The following SPRED2 variants were observed in gnomAD, a reference collection of about 807,000 sequenced individuals.
SPRED2 encodes sprouty-related, EVH1 domain-containing protein 2.
SPRED2 carries 47 observed loss-of-function variants against 43.0 expected under a neutral mutation model. The observed-to-expected ratio is 1.09, with a 90% confidence interval of 0.87 to 1.40. SPRED2 has a LOEUF of 1.40. Ranked by LOEUF, SPRED2 falls within the 40% of genes most tolerant of loss-of-function variation. The pLI is 0.00. For synonymous variants in SPRED2, 225 were observed against 225.7 expected (o/e 1.00, Z 0.03); for missense variants, 561 against 586.4 (o/e 0.96, Z 0.45).
chr2:65,428,099 T>A (rs1026795713), intron 1 of SPRED2, among the ~76,000 whole-genome samples: 5 of 152,248 alleles, frequency 3.3e-5, no homozygotes, highest in African/African-American at 4.8e-5. Flanking sequence ...TAATACCTTC[T>A]TCACAGGGTT....
At chr2:65,325,953 A>G (rs1256717213) in intron 4 of SPRED2, among the ~76,000 whole-genome samples, 1 of 151,874 alleles carries the variant, frequency 6.6e-6, no homozygotes, top group Non-Finnish European at 1.5e-5. Context: ...ACTGCACTCC[A>G]GCCTAGGTGA....
intron 1 of SPRED2, among the ~76,000 whole-genome samples, chr2:65,391,991 T>C (rs1359351542): frequency 6.6e-6 from 1 of 152,070 alleles, no homozygotes; most frequent in African/African-American, 2.4e-5. Flanking sequence ...TTAAAAAGTA[T>C]TAAGTTATCT....
intron 4 of SPRED2, among the ~76,000 whole-genome samples, chr2:65,318,749 T>G (rs1216078577): frequency 6.6e-6 from 1 of 151,420 alleles, no homozygotes; most frequent in Non-Finnish European, 1.5e-5. Context: ...ACAGCTCAAG[T>G]GATCCCCCTG....
In SPRED2 at chr2:65,387,803, C is replaced by CTT. The variant is rs1181144610; in HGVS notation, c.27-42909_27-42908dup. 4.8e-5 allele frequency among the ~76,000 whole-genome samples: 5 copies of CTT among 104,742 alleles called. No individual in the cohort carries two copies. The East Asian group carries it at 1.2e-3, about 25-fold the overall frequency. 68.7% of individuals were successfully genotyped at this position (104,742 alleles called of 152,430 possible). A position where few individuals can be genotyped will look rare whatever the true frequency, so the allele number is the denominator to read the frequency against. On this transcript the variant is annotated intron_variant, in intron 1 of 5. Transcript: ENST00000356388. ...AGGGAAAGCAAATTCTTTTCTTTTT[C>CTT]TTTTTTTTTTTGAGAGTTTGGCTCT...
chr2:65,309,612 A>AG (rs35752726), downstream of SPRED2, among the ~76,000 whole-genome samples: 40,044 of 151,748 alleles, frequency 0.26, 6,745 homozygotes, highest in East Asian at 0.77. Context: ...TTCTATCTGC[A>AG]GGGGGTCCTG....
chr2:65,332,292 C>T (rs910453188), intron 3 of SPRED2: 4 of 363,326 alleles, frequency 1.1e-5, no homozygotes, highest in African/African-American at 8.5e-5. Context: ...CAAACTTCTG[C>T]ACTCGCTGCT....
intron 5 of SPRED2, among the ~76,000 whole-genome samples, chr2:65,315,392 A>G (rs551114676): frequency 6.6e-6 from 1 of 152,294 alleles, no homozygotes; most frequent in South Asian, 2.1e-4. Flanking sequence ...TCGCCATCAC[A>G]GTCATTATCA....
intron 2 of SPRED2, among the ~76,000 whole-genome samples, chr2:65,336,844 C>T (rs891916287): frequency 1.3e-5 from 2 of 152,180 alleles, no homozygotes; most frequent in African/African-American, 2.4e-5. Flanking sequence ...CGCGGTGGCT[C>T]ACGCCTGTAA....
intron 1 of SPRED2, among the ~76,000 whole-genome samples, chr2:65,431,216 T>TACAC (rs141740222): frequency 2.0e-5 from 3 of 150,248 alleles, no homozygotes; most frequent in East Asian, 2.0e-4. Context: ...GACACTCACA[T>TACAC]ACACACACAC....
chr2:65,380,813 A>G (rs1346276143), intron 1 of SPRED2: 1 of 151,302 alleles, frequency 6.6e-6, no homozygotes, highest in Non-Finnish European at 1.5e-5. Context: ...GCAAAGGTAC[A>G]TGCTCTGAAG....
chr2:65,313,939 G>C lies in SPRED2; in HGVS notation c.819C>G (p.Asp273Glu). ...CTTTGGGGTCCTCGCCTAGGCCAAAGTCTGAGGAGTCCACGTAGGGGTAGT... is the reference window on the plus strand; with the variant it reads ...CTTTGGGGTCCTCGCCTAGGCCAAACTCTGAGGAGTCCACGTAGGGGTAGT... ...DYNYPYVDSS[D>E]FGLGEDPKGR... The change falls in exon 6 of 6, where the codon GAC becomes GAG. Residue 273 changes from aspartate to glutamate, a missense_variant. Physicochemically the swap from Asp to Glu is conservative, Grantham distance 45 (BLOSUM62 2). This residue lies in a region of SPRED2 where 164 missense variants were observed against 164.1 expected (regional missense o/e 1.00). Coordinates refer to ENST00000356388, the MANE Select transcript of SPRED2 (RefSeq NM_181784.3). 6.2e-7 allele frequency: 1 copy of C among 1,611,706 alleles called. No homozygotes were observed. The highest frequency in any genetic ancestry group is 1.1e-5 in the South Asian group (1 of 91,086).
At chr2:65,428,801 T>C (rs35153344) in intron 1 of SPRED2, among the ~76,000 whole-genome samples, 18,390 of 152,280 alleles carry the variant, frequency 0.12, 1,677 homozygotes, top group Non-Finnish European at 0.17. Flanking sequence ...GTTTATCTTG[T>C]CTGCAAATTT....
chr2:65,412,510 C>T (rs1676185576), intron 1 of SPRED2, among the ~76,000 whole-genome samples: 1 of 152,196 alleles, frequency 6.6e-6, no homozygotes, highest in Admixed American at 6.5e-5. Context: ...TAGATATTGA[C>T]TATTTGCAAT....
intron 1 of SPRED2, among the ~76,000 whole-genome samples, chr2:65,381,848 TG>T (rs1241566119): frequency 6.6e-6 from 1 of 152,192 alleles, no homozygotes; most frequent in Non-Finnish European, 1.5e-5. Flanking sequence ...GGGAATTACT[TG>T]GGGGCTTTCA....
At chr2:65,328,071 G>A (rs530616789) in intron 4 of SPRED2, among the ~76,000 whole-genome samples, 75 of 152,240 alleles carry the variant, frequency 4.9e-4, no homozygotes, top group African/African-American at 1.7e-3. Flanking sequence ...AAACTTTGTA[G>A]AAGTAATTTA....
Position 65,317,328 on chromosome 2 carries a change from T to C in SPRED2, c.439-445A>G, listed in dbSNP as rs143453883. On this transcript the variant is annotated intron_variant, in intron 4 of 5. Transcript: ENST00000356388. ...AGGAGTTCAAGAGCAGCCTGGCCAA[T>C]ATGGCAAAACCCTGTCTCTACTAAA... Among the ~76,000 whole-genome samples the C allele has an allele frequency of 6.3e-3, 953 of 152,200 alleles. 5 individuals are homozygous for C. Among genetic ancestry groups the C allele is most frequent in the Non-Finnish European group, 0.011 (716 of 67,996 alleles).
intron 1 of SPRED2, among the ~76,000 whole-genome samples, chr2:65,426,336 T>C (rs1399420072): frequency 1.3e-5 from 2 of 152,184 alleles, no homozygotes; most frequent in Non-Finnish European, 2.9e-5. Context: ...ACAACAATTG[T>C]AATTATTGCA....
At chr2:65,358,023 G>T (rs1197315605) in intron 1 of SPRED2, among the ~76,000 whole-genome samples, 1 of 148,176 alleles carries the variant, frequency 6.7e-6, no homozygotes, top group Non-Finnish European at 1.5e-5. Context: ...GTGGCAGAGG[G>T]CTTAGCAAAC....
At chr2:65,387,064 G>A (rs2103669888) in intron 1 of SPRED2, among the ~76,000 whole-genome samples, 1 of 151,368 alleles carries the variant, frequency 6.6e-6, no homozygotes, top group South Asian at 2.1e-4. Context: ...TACCCTAAAT[G>A]TCTAAAACCC....
Sources: allele counts gnomAD v4.1 joint callset (sites outside exome capture counted in the v4.1 genomes callset), GRCh38; gene constraint gnomAD v4.1.1; regional missense constraint gnomAD v4.1.1; transcripts MANE v1.5; gene names NCBI Gene and HGNC (gene_info 2026-07-23, HGNC 2026-07-21).